MYO3B: variants seen among roughly 807,000 people sequenced by gnomAD.
MYO3B encodes myosin-IIIb.
MYO3B carries 156 observed loss-of-function variants against 174.6 expected under a neutral mutation model. The ratio of observed to expected loss-of-function variants is 0.89; its 90% confidence interval spans 0.78 to 1.02. The LOEUF (loss-of-function observed/expected upper bound fraction) is 1.02, where lower values mean the gene tolerates loss of function less well. MYO3B is among the 50% of genes least tolerant of loss of function. The pLI is 0.00. For synonymous variants in MYO3B, 563 were observed against 569.1 expected (o/e 0.99, Z 0.15); for missense variants, 1,632 against 1,639.4 (o/e 1.00, Z 0.08).
intron 18 of MYO3B, 107 bp downstream of exon 18, chr2:170,401,798 T>TTTTC: frequency 4.9e-6 from 5 of 1,012,808 alleles, no homozygotes; most frequent in East Asian, 2.6e-5. Context: ...TTTTCTTTCT[T>TTTTC]TTTCTTTTTT....
intron 25 of MYO3B, among the ~76,000 whole-genome samples, chr2:170,483,375 C>CTTTTTTTTTTTTTTTTTTTTTTTT (rs61527598): frequency 1.6e-5 from 1 of 62,098 alleles, no homozygotes; most frequent in Non-Finnish European, 2.9e-5. Flanking sequence ...CTTGGGGATT[C>CTTTTTTTTTTTTTTTTTTTTTTTT]TTTTTTTTTT....
chr2:170,342,299 T>A (rs1049877788), intron 8 of MYO3B: 22 of 152,194 alleles, frequency 1.4e-4, no homozygotes, highest in African/African-American at 4.8e-4. Flanking sequence ...TTTCTTCTTT[T>A]AAAAAAAATT....
intron 6 of MYO3B, among the ~76,000 whole-genome samples, chr2:170,223,926 G>C (rs916867552): frequency 3.3e-5 from 5 of 152,154 alleles, no homozygotes; most frequent in African/African-American, 1.2e-4. Context: ...ATTCATTCTG[G>C]ATGGTAAATG....
At chr2:170,562,722 G>C (rs13397245) in intron 32 of MYO3B, among the ~76,000 whole-genome samples, 23,338 of 152,090 alleles carry the variant, frequency 0.15, 3,463 homozygotes, top group African/African-American at 0.39. Flanking sequence ...ATTGCAGTTT[G>C]TCCATTTAAG....
In MYO3B at chr2:170,463,349, C is replaced by T; in HGVS notation, c.2731-19C>T. ...AGTGCCTAGATCCTCAAACCACTTG[C>T]CTCCACCTATGCTTCCAGGTGGACA... On this transcript the variant is annotated intron_variant, in intron 23 of 34. Transcript: ENST00000408978. 1 of 1,610,900 alleles carries T rather than the reference C, an allele frequency of 6.2e-7. No homozygotes were observed. The highest frequency in any genetic ancestry group is 8.5e-7 in the Non-Finnish European group (1 of 1,178,376).
At chr2:170,220,420 G>A (rs1209922885) in intron 6 of MYO3B, among the ~76,000 whole-genome samples, 1 of 151,894 alleles carries the variant, frequency 6.6e-6, no homozygotes, top group Non-Finnish European at 1.5e-5. Flanking sequence ...CACAAGGTCA[G>A]GAGATCGAGA....
chr2:170,463,522 G>T (rs760063774), intron 24 of MYO3B, 77 bp downstream of exon 24: 144 of 1,284,030 alleles, frequency 1.1e-4, no homozygotes, highest in Non-Finnish European at 1.5e-4. Context: ...ATGCCCAGAT[G>T]GAGTCAGTGA....
At chr2:170,553,282 A>G (rs887550713) in intron 32 of MYO3B, among the ~76,000 whole-genome samples, 26 of 152,192 alleles carry the variant, frequency 1.7e-4, no homozygotes, top group African/African-American at 5.5e-4. Flanking sequence ...CAGGCACTCA[A>G]TGCCAGCCTG....
At chr2:170,307,529 A>G (rs1375323224) in intron 7 of MYO3B, among the ~76,000 whole-genome samples, 2 of 152,200 alleles carry the variant, frequency 1.3e-5, no homozygotes, top group African/African-American at 4.8e-5. Context: ...TTAAACTGTG[A>G]AATTCTATTT....
At chr2:170,327,538 G>C (rs1337717589) in intron 7 of MYO3B, among the ~76,000 whole-genome samples, 2 of 139,200 alleles carry the variant, frequency 1.4e-5, no homozygotes, top group African/African-American at 5.1e-5. Context: ...ATCTAAGGCT[G>C]AGATGTGATC....
rs762965536 is a variant in MYO3B at position 170,200,198 on chromosome 2, C to G, written c.235C>G (p.Pro79Ala). 18 of 1,613,376 alleles carry G rather than the reference C, an allele frequency of 1.1e-5. No individual in the cohort carries two copies. The highest frequency in any genetic ancestry group is 1.5e-5 in the Non-Finnish European group (18 of 1,179,656). The change falls in exon 3 of 35, where the codon CCT becomes GCT. Residue 79 changes from proline (P) to alanine (A), a missense_variant. Transcript: ENST00000408978. ...AGAATACAACATTTTGCAGTTCCTTCCTAATCATCCCAATGTTGTAAAGTT... is the reference window on the plus strand; with the variant it reads ...AGAATACAACATTTTGCAGTTCCTTGCTAATCATCCCAATGTTGTAAAGTT... ...EAEYNILQFLPNHPNVVKFYG... is the reference protein window; with the variant it reads ...EAEYNILQFLANHPNVVKFYG...
intron 32 of MYO3B, among the ~76,000 whole-genome samples, chr2:170,646,554 C>A (rs971691504): frequency 2.0e-5 from 3 of 151,898 alleles, no homozygotes; most frequent in Non-Finnish European, 2.9e-5. Flanking sequence ...GCCAACATGC[C>A]TGGCTAATTT....
At chr2:170,488,307 TA>T (rs1161613211) in intron 25 of MYO3B, among the ~76,000 whole-genome samples, 3 of 152,208 alleles carry the variant, frequency 2.0e-5, no homozygotes, top group Non-Finnish European at 2.9e-5. Context: ...TTTATTCATT[TA>T]TTTTTTTTAG....
At chr2:170,408,443 G>T (rs893606069) in intron 22 of MYO3B, 2 of 152,294 alleles carry the variant, frequency 1.3e-5, no homozygotes, top group African/African-American at 4.8e-5. Flanking sequence ...TAGGGCCAAA[G>T]AACAGAACTT....
intron 32 of MYO3B, among the ~76,000 whole-genome samples, chr2:170,590,594 ATT>A (rs111705221): frequency 6.3e-4 from 89 of 140,462 alleles, no homozygotes; most frequent in Admixed American, 7.2e-4. Flanking sequence ...TGATTGATTG[ATT>A]TTTTTTTTTT....
chr2:170,526,866 T>C (rs1689035425), intron 30 of MYO3B, among the ~76,000 whole-genome samples: 1 of 152,214 alleles, frequency 6.6e-6, no homozygotes, highest in South Asian at 2.1e-4. Flanking sequence ...GTGATCCTTA[T>C]GCAAAGAGTC....
intron 7 of MYO3B, among the ~76,000 whole-genome samples, chr2:170,254,539 C>T (rs2093287083): frequency 6.6e-6 from 1 of 152,212 alleles, no homozygotes. Context: ...CCACCACTGT[C>T]CTACCTGCGT....
At chr2:170,606,588 T>C (rs1307024907) in intron 32 of MYO3B, among the ~76,000 whole-genome samples, 1 of 152,246 alleles carries the variant, frequency 6.6e-6, no homozygotes, top group African/African-American at 2.4e-5. Context: ...GTATGGGTCA[T>C]GTCTGTCTTG....
chr2:170,204,744 T>C (rs1003420258), intron 3 of MYO3B, among the ~76,000 whole-genome samples: 1 of 152,162 alleles, frequency 6.6e-6, no homozygotes, highest in African/African-American at 2.4e-5. Flanking sequence ...ATCTGGTGGC[T>C]GGCAGAGTGG....
Sources: allele counts gnomAD v4.1 joint callset (sites outside exome capture counted in the v4.1 genomes callset), GRCh38; gene constraint gnomAD v4.1.1; transcripts MANE v1.5; gene names NCBI Gene and HGNC (gene_info 2026-07-23, HGNC 2026-07-21).